Variants in MBD1 observed in about 807,000 individuals in gnomAD.
The protein encoded by MBD1 is methyl-CpG-binding domain protein 1.
In MBD1, 25 loss-of-function variants were observed where a neutral mutation model predicts 82.6. The ratio of observed to expected loss-of-function variants is 0.30; its 90% CI spans 0.22 to 0.42. The LOEUF (loss-of-function observed/expected upper bound fraction) is 0.42, where lower values mean the gene tolerates loss of function less well. MBD1 is among the 10% of genes least tolerant of loss of function. MBD1 has a pLI of 1.00. For missense variants in MBD1, 627 were observed against 819.6 expected (o/e 0.76, Z 2.87); for synonymous variants, 301 against 303.7 (o/e 0.99, Z 0.09).
intron 3 of MBD1, 26 bp from the exon 4 acceptor site, chr18:50,277,024 T>C: frequency 5.0e-6 from 8 of 1,614,198 alleles, no homozygotes; most frequent in East Asian, 2.2e-5. Flanking sequence ...AGGAGGAATA[T>C]GGGTCAGTGG....
At chr18:50,278,515 A>G (rs970216489) in intron 2 of MBD1, among the ~76,000 whole-genome samples, 2 of 152,224 alleles carry the variant, frequency 1.3e-5, no homozygotes, top group African/African-American at 4.8e-5. Flanking sequence ...TTAAGTTTTG[A>G]AAGTTTTATA....
At chr18:50,268,002 TTGCAGTTC>T (rs1568165885), downstream of MBD1, among the ~76,000 whole-genome samples, 1 of 152,264 alleles carries the variant, frequency 6.6e-6, no homozygotes, top group Non-Finnish European at 1.5e-5. Context: ...GTTCTTTCAA[TTGCAGTTC>T]AGTAAAATAC....
At chr18:50,272,195 G>A (rs977197341) in intron 15 of MBD1, among the ~76,000 whole-genome samples, 10 of 152,222 alleles carry the variant, frequency 6.6e-5, no homozygotes, top group East Asian at 3.9e-4. Context: ...AAGCCAGCTC[G>A]GAACCCAGAT....
chr18:50,271,284 C>T (rs1179021598), intron 16 of MBD1, 185 bp downstream of exon 16: 6 of 1,465,034 alleles, frequency 4.1e-6, no homozygotes, highest in Non-Finnish European at 5.4e-6. Flanking sequence ...CAACTTTCTA[C>T]TCTTTCTCTT....
intron 5 of MBD1, 95 bp downstream of exon 5, chr18:50,276,567 T>C: frequency 6.8e-7 from 1 of 1,479,556 alleles, no homozygotes; most frequent in Non-Finnish European, 9.4e-7. Context: ...CAGTAGCCTC[T>C]GTCCTGACAT....
chr18:50,270,048 T>C, intron 16 of MBD1: 1 of 1,598,064 alleles, frequency 6.3e-7, no homozygotes, highest in African/African-American at 1.3e-5. Flanking sequence ...TAGATCATTG[T>C]CAAAATTACC....
At chr18:50,267,263 A>C (rs917585994), downstream of MBD1, 1 of 287,648 alleles carries the variant, frequency 3.5e-6, no homozygotes, top group Non-Finnish European at 6.7e-6. Flanking sequence ...GGTTGATAGA[A>C]TAGCAAGTAA....
chr18:50,277,059 C>A, intron 3 of MBD1, 31 bp downstream of exon 3: 1 of 1,613,766 alleles, frequency 6.2e-7, no homozygotes, highest in South Asian at 1.1e-5. Flanking sequence ...GCACATCCAC[C>A]CCTACCTAGG....
At position 50,269,531 on chromosome 18, in the gene MBD1, G is replaced by A; in HGVS notation, c.*320C>T. On this transcript the variant is annotated 3_prime_UTR_variant, in exon 17 of 17. Transcript: ENST00000269468. ...ATGTATCTGCTAGATCACCTCGTTG[G>A]TGTGGGCAGTAGTCAGGCCTGCAGC... is the stretch of plus-strand genomic sequence containing the variant. 2.8e-6 allele frequency: 2 copies of A among 717,612 alleles called. No homozygotes were observed. Among genetic ancestry groups the A allele is most frequent in the Non-Finnish European group, 5.2e-6 (2 of 386,956 alleles). The allele number at this position is 717,612 out of a possible 1,614,324, so 44.5% of individuals were successfully genotyped here. A position where few individuals can be genotyped will look rare whatever the true frequency, so the allele number is the denominator to read the frequency against.
Position 50,269,400 on chromosome 18 carries a change from A to G in MBD1, c.*451T>C, listed in dbSNP as rs2034542004. The G allele has an allele frequency of 9.9e-6, 11 of 1,115,148 alleles. No individual in the cohort carries two copies. In the South Asian group the frequency reaches 1.6e-4, roughly 16 times the overall value. The allele number at this position is 1,115,148 out of a possible 1,614,324, so 69.1% of individuals were successfully genotyped here. A position where few individuals can be genotyped will look rare whatever the true frequency, so the allele number is the denominator to read the frequency against. ...TCCAGTAAGATGGGCCACAAGAGAC[A>G]TTTTGCTTGATAACCGGAGGGCGGA... On this transcript the variant is annotated 3_prime_UTR_variant, in exon 17 of 17. Coordinates refer to ENST00000269468, the MANE Select transcript of MBD1 (RefSeq NM_015846.4).
chr18:50,270,247 T>A, intron 16 of MBD1: 14 of 1,276,642 alleles, frequency 1.1e-5, no homozygotes, highest in Non-Finnish European at 1.6e-5. Flanking sequence ...GCTGCAGGGC[T>A]GGGACTAGGG....
intron 15 of MBD1, 94 bp from the exon 16 acceptor site, chr18:50,271,634 C>T: frequency 7.8e-7 from 1 of 1,276,352 alleles, no homozygotes; most frequent in African/African-American, 1.5e-5. Context: ...CTGTGTCCTC[C>T]ATCCACTTCC....
intron 2 of MBD1, among the ~76,000 whole-genome samples, chr18:50,278,694 ACT>A (rs1486743129): frequency 1.3e-5 from 2 of 152,190 alleles, no homozygotes; most frequent in Non-Finnish European, 2.9e-5. Context: ...ATCTATGTTG[ACT>A]CTCATTAGTT....
chr18:50,272,947 G>A lies in MBD1; in HGVS notation c.1593C>T (p.Asp531=), dbSNP rs759976850. The change falls in exon 14 of 17, where the codon GAC becomes GAT. Residue 531 remains aspartate (D), a synonymous_variant. Coordinates refer to ENST00000269468, the MANE Select transcript of MBD1 (RefSeq NM_015846.4). ...LVPGCPSKAV[D]PGLPSVKQEP... The stretch of plus-strand genomic sequence containing the variant: ...CTTGCTTCACAGAAGGCAGGCCTGG[G>A]TCTACTGCCTGGGAGAAGTAGGAAA... 3 of 1,614,146 alleles carry A rather than the reference G, an allele frequency of 1.9e-6. No individual in the cohort carries two copies. The highest frequency in any genetic ancestry group is 1.1e-5 in the South Asian group (1 of 91,080).
chr18:50,277,771 A>G (rs2038598581), intron 2 of MBD1, among the ~76,000 whole-genome samples: 2 of 152,166 alleles, frequency 1.3e-5, no homozygotes, highest in South Asian at 2.1e-4. Context: ...ACCTTGGAAG[A>G]TAAGAGATAG....
downstream of MBD1, chr18:50,267,728 C>T (rs1201267995): frequency 1.0e-5 from 11 of 1,066,736 alleles, no homozygotes; most frequent in Admixed American, 2.0e-5. Context: ...GCATAGAACA[C>T]TTGTGAGCAC....
downstream of MBD1, chr18:50,267,803 T>C: frequency 1.6e-6 from 1 of 624,374 alleles, no homozygotes; most frequent in South Asian, 1.8e-5. Context: ...GTATGCCCTC[T>C]TAAGGACGCA....
intron 8 of MBD1, 110 bp from the exon 9 acceptor site, chr18:50,275,355 G>A: frequency 6.2e-7 from 1 of 1,612,020 alleles, no homozygotes; most frequent in Non-Finnish European, 8.5e-7. Context: ...ACAGAGGGTG[G>A]CGTGAGGCAC....
At chr18:50,270,626 C>T (rs562628853) in intron 16 of MBD1, 19 of 314,100 alleles carry the variant, frequency 6.0e-5, no homozygotes, top group African/African-American at 3.4e-4. Flanking sequence ...GAGATATATC[C>T]TGTAGGGTTT....
Sources: allele counts gnomAD v4.1 joint callset (sites outside exome capture counted in the v4.1 genomes callset), GRCh38; gene constraint gnomAD v4.1.1; transcripts MANE v1.5; gene names NCBI Gene and HGNC (gene_info 2026-07-23, HGNC 2026-07-21).